RBM6: variants seen among roughly 807,000 people sequenced by gnomAD.
RBM6 encodes the protein RNA-binding protein 6.
Under a neutral mutation model 140.4 loss-of-function variants are expected in RBM6, and 23 were observed. The ratio of observed to expected loss-of-function variants is 0.16; its 90% CI spans 0.12 to 0.23. The LOEUF (loss-of-function observed/expected upper bound fraction) is 0.23. RBM6 is among the 10% of genes least tolerant of loss of function. The pLI is 1.00. For missense variants in RBM6, 1,139 were observed against 1,386.7 expected (o/e 0.82, Z 2.84); for synonymous variants, 439 against 475.6 (o/e 0.92, Z 1.00).
chr3:50,052,986 GGTGTGTGTGTGTGTGT>G lies in RBM6; in HGVS notation c.1633-1314_1633-1299del, dbSNP rs57244510. 1.6e-3 allele frequency among the ~76,000 whole-genome samples: 213 copies of G among 134,748 alleles called. 2 individuals are homozygous for G. The highest frequency in any genetic ancestry group is 5.4e-3 in the African/African-American group (193 of 36,066). 88.4% of individuals were successfully genotyped at this position (134,748 alleles called of 152,430 possible). A position where few individuals can be genotyped will look rare whatever the true frequency, so the allele number is the denominator to read the frequency against. Reference sequence around the variant, plus strand: ...TAACAGCCATTTGGCAGTGGGCAGGGGTGTGTGTGTGTGTGTGTGTGTGTGTGTGTGTGTGTGTGTG... The same window carrying G: ...TAACAGCCATTTGGCAGTGGGCAGGGGTGTGTGTGTGTGTGTGTGTGTGTG... On this transcript the variant is annotated intron_variant, in intron 7 of 20. Transcript: ENST00000266022.
intron 1 of RBM6, among the ~76,000 whole-genome samples, chr3:49,944,550 A>ACTGCAACCTCTGCCTCC (rs1359662258): frequency 3.5e-5 from 5 of 144,840 alleles, no homozygotes; most frequent in African/African-American, 1.3e-4. Flanking sequence ...ACCTTGGCTC[A>ACTGCAACCTCTGCCTCC]CTGCAACCTC....
chr3:49,977,396 A>C (rs988816493), intron 5 of RBM6, among the ~76,000 whole-genome samples: 1 of 152,188 alleles, frequency 6.6e-6, no homozygotes, highest in Non-Finnish European at 1.5e-5. Context: ...GTTGTTTTCC[A>C]TCATATCCTT....
intron 16 of RBM6, 79 bp from the exon 17 acceptor site, chr3:50,066,163 C>T (rs2090113231): frequency 4.9e-6 from 7 of 1,416,144 alleles, no homozygotes; most frequent in South Asian, 1.4e-5. Context: ...AAATGAGATG[C>T]CCATATCAGA....
At chr3:50,054,659 C>G (rs527852393) in intron 8 of RBM6, among the ~76,000 whole-genome samples, 10 of 151,998 alleles carry the variant, frequency 6.6e-5, no homozygotes, top group Non-Finnish European at 1.2e-4. Context: ...GCATGTGCCA[C>G]CACGCCCTGT....
intron 6 of RBM6, among the ~76,000 whole-genome samples, chr3:50,045,763 A>T (rs1006071092): frequency 6.6e-6 from 1 of 152,194 alleles, no homozygotes; most frequent in African/African-American, 2.4e-5. Flanking sequence ...TTGAGCCCTC[A>T]CTATATTCTA....
At chr3:49,984,230 A>G (rs1380311013) in intron 5 of RBM6, among the ~76,000 whole-genome samples, 1 of 152,106 alleles carries the variant, frequency 6.6e-6, no homozygotes, top group Non-Finnish European at 1.5e-5. Context: ...TAGGGAGGTG[A>G]GGGTGGAGGT....
Position 49,957,423 on chromosome 3 carries a change from GACA to G in RBM6, c.-66-5148_-66-5146del, listed in dbSNP as rs1470222405. 2.0e-5 allele frequency among the ~76,000 whole-genome samples: 3 copies of G among 151,732 alleles called. No individual in the cohort carries two copies. In the East Asian group the frequency reaches 5.8e-4, roughly 29 times the overall value. ...AGCCTCCCAGTGCTTGTCGTGCTAG[GACA>G]ACAAGCATGAGCCACTGTGCCTAGC... On this transcript the variant is annotated intron_variant, in intron 1 of 20. Transcript: ENST00000266022.
At chr3:49,995,250 A>T (rs1051130805) in intron 5 of RBM6, among the ~76,000 whole-genome samples, 1 of 137,546 alleles carries the variant, frequency 7.3e-6, no homozygotes, top group African/African-American at 2.9e-5. Flanking sequence ...CCCTGTTCTC[A>T]TTCTTCTCAT....
intron 6 of RBM6, among the ~76,000 whole-genome samples, chr3:50,013,453 G>A (rs935145125): frequency 2.6e-5 from 4 of 152,116 alleles, no homozygotes; most frequent in Non-Finnish European, 5.9e-5. Flanking sequence ...GGCGGATCAC[G>A]AGGTCAAGAG....
intron 5 of RBM6, among the ~76,000 whole-genome samples, chr3:49,984,075 C>T (rs753616581): frequency 1.3e-5 from 2 of 152,022 alleles, no homozygotes; most frequent in East Asian, 1.9e-4. Flanking sequence ...GTGGATCACT[C>T]GAGCTCAGGA....
At chr3:50,070,751 G>A (rs2090275079) in intron 19 of RBM6, among the ~76,000 whole-genome samples, 199 bp downstream of exon 19, 1 of 152,174 alleles carries the variant, frequency 6.6e-6, no homozygotes, top group Non-Finnish European at 1.5e-5. Context: ...AGGTTGGCTG[G>A]CAGCTTCGCC....
intron 6 of RBM6, among the ~76,000 whole-genome samples, chr3:50,000,888 C>T (rs900764674): frequency 6.6e-6 from 1 of 152,166 alleles, no homozygotes; most frequent in Non-Finnish European, 1.5e-5. Context: ...ATGGAGATGA[C>T]ATGCTCTAAA....
rs529548775 is a variant in RBM6, at chr3:49,970,063, C to T, written c.1323+1315C>T. On this transcript the variant is annotated intron_variant, in intron 3 of 20. Transcript: ENST00000266022. ...TCAAGCAGTCTTCCTGCCTCAGCCT[C>T]CTGAGTAGTTGGGACTGTAGTTGTG... is the stretch of plus-strand genomic sequence containing the variant. Among the ~76,000 whole-genome samples, 13 of 152,198 alleles carry T rather than the reference C, an allele frequency of 8.5e-5. No individual in the cohort carries two copies. The South Asian group carries it at 2.7e-3, about 32-fold the overall frequency.
chr3:50,045,578 A>G (rs892440412), intron 6 of RBM6, among the ~76,000 whole-genome samples: 1 of 152,204 alleles, frequency 6.6e-6, no homozygotes, highest in East Asian at 1.9e-4. Context: ...GTAAAGATAC[A>G]GTTTCTGATG....
chr3:49,959,312 G>C (rs1221184213), intron 1 of RBM6, among the ~76,000 whole-genome samples: 2 of 140,504 alleles, frequency 1.4e-5, no homozygotes, highest in African/African-American at 5.3e-5. Flanking sequence ...CCTCAGCCTC[G>C]TGAGTAGCTG....
Position 50,010,100 on chromosome 3 carries a change from T to C in RBM6, c.1557+10587T>C, listed in dbSNP as rs557337927. Among the ~76,000 whole-genome samples, 50 of 152,230 alleles carry C rather than the reference T, an allele frequency of 3.3e-4. 1 individual carries two copies. Among genetic ancestry groups the C allele is most frequent in the African/African-American group, 1.0e-3 (43 of 41,552 alleles). ...CAGGGTTTCACCATGTTGGCCAGGC[T>C]GCTCTCGAACTCCTGACCTCAGGCA... On this transcript the variant is annotated intron_variant, in intron 6 of 20. Transcript: ENST00000266022.
chr3:49,961,931 G>A (rs1398507363), intron 1 of RBM6, among the ~76,000 whole-genome samples: 5 of 151,796 alleles, frequency 3.3e-5, no homozygotes, highest in Admixed American at 6.6e-5. Flanking sequence ...CGAGGCGGGC[G>A]GACTGCTTGA....
At chr3:50,010,075 C>T (rs1156773141) in intron 6 of RBM6, among the ~76,000 whole-genome samples, 1 of 151,914 alleles carries the variant, frequency 6.6e-6, no homozygotes, top group Non-Finnish European at 1.5e-5. Flanking sequence ...TTAGTAGAGA[C>T]AGGGTTTCAC....
intron 15 of RBM6, among the ~76,000 whole-genome samples, chr3:50,064,456 A>C (rs1449504556): frequency 1.3e-5 from 2 of 152,198 alleles, no homozygotes; most frequent in Admixed American, 6.6e-5. Context: ...TTATATATAC[A>C]TGCCTCATCT....
Sources: gnomAD v4.1 joint callset for allele counts (sites outside exome capture counted in the v4.1 genomes callset) on GRCh38, gnomAD v4.1.1 for gene constraint, MANE v1.5 for transcripts, NCBI Gene and HGNC (gene_info 2026-07-23, HGNC 2026-07-21) for gene names.